ZBED6: variants seen among roughly 807,000 people sequenced by gnomAD.
The protein encoded by ZBED6 is zinc finger BED domain-containing protein 6.
In ZBED6, 40 loss-of-function variants were observed where a neutral mutation model predicts 58.4. That is an observed-to-expected ratio of 0.68 (90% CI 0.53 to 0.89). The LOEUF (loss-of-function observed/expected upper bound fraction) is 0.89, where lower values mean the gene tolerates loss of function less well. Among genes scored for constraint, ZBED6 ranks in the 40% least tolerant of loss-of-function variants. The pLI is 0.00. For missense variants in ZBED6, 1,057 were observed against 1,003.9 expected (o/e 1.05, Z -0.71); for synonymous variants, 439 against 350.6 (o/e 1.25, Z -2.82).
At chr1:203,850,823 T>C in intron 15 of ZBED6, 142 bp downstream of exon 15, 1 of 1,266,266 alleles carries the variant, frequency 7.9e-7, no homozygotes, top group South Asian at 1.5e-5. Context: ...ACTACTGTAT[T>C]TTATACTTAC....
At chr1:203,848,347 G>A (rs1182353696) in exon 13 of ZBED6, 2 of 1,612,570 alleles carry the variant, frequency 1.2e-6, no homozygotes, top group Non-Finnish European at 1.7e-6. Flanking sequence ...AAGAAGAGAA[G>A]AACCTTCAGG....
chr1:203,805,504 T>G, intron 1 of ZBED6: 1 of 457,346 alleles, frequency 2.2e-6, no homozygotes, highest in Non-Finnish European at 4.3e-6. Flanking sequence ...AAGAGCAATG[T>G]AATTAAACTT....
Position 203,806,948 on chromosome 1 carries a change from G to GT in ZBED6, c.*2554+3938dup, listed in dbSNP as rs1672603829. On this transcript the variant is annotated intron_variant, in intron 1 of 16. Transcript: ENST00000550078. ...CAAAAATTACTACAGGATTTTTTTT[G>GT]TTTTTTACCCCTTTTACTCTAGTAA... is the stretch of plus-strand genomic sequence containing the variant. 2.5e-5 allele frequency among the ~76,000 whole-genome samples: 3 copies of GT among 121,502 alleles called. 1 individual carries two copies. In the South Asian group the frequency reaches 7.8e-4, roughly 32 times the overall value. The allele number at this position is 121,502 out of a possible 152,430, so 79.7% of individuals were successfully genotyped here. A position where few individuals can be genotyped will look rare whatever the true frequency, so the allele number is the denominator to read the frequency against.
At chr1:203,828,253 C>G in intron 3 of ZBED6, 46 bp from the exon 4 acceptor site, 1 of 1,610,350 alleles carries the variant, frequency 6.2e-7, no homozygotes, top group Non-Finnish European at 8.5e-7. Context: ...CATGAATATA[C>G]GTATCACTGT....
chr1:203,812,436 C>G (rs894589133), intron 1 of ZBED6, among the ~76,000 whole-genome samples: 4 of 152,078 alleles, frequency 2.6e-5, no homozygotes, highest in African/African-American at 9.7e-5. Flanking sequence ...CCATTCATGT[C>G]CCTGCAAAGG....
In ZBED6 at chr1:203,844,265, G is replaced by A. The variant is rs573868785; in HGVS notation, c.*3742-2919G>A. ...CAACCTCTGCCTCCCAGGTTAAAGC[G>A]ATTCTCCTGTCTCAGCCTCCCGAGT... On this transcript the variant is annotated intron_variant, in intron 11 of 16. Coordinates refer to ENST00000550078, the Ensembl canonical transcript of ZBED6. Among the ~76,000 whole-genome samples the A allele has an allele frequency of 4.6e-5, 7 of 152,256 alleles. No homozygotes were observed. In the East Asian group the frequency reaches 7.7e-4, roughly 17 times the overall value.
chr1:203,833,351 T>G (rs1249650613), intron 8 of ZBED6, among the ~76,000 whole-genome samples: 6 of 112,222 alleles, frequency 5.3e-5, no homozygotes, highest in East Asian at 2.4e-4. Flanking sequence ...GGCGACAGAG[T>G]GAGACTCTGT....
chr1:203,849,935 A>G (rs1688859442), exon 14 of ZBED6: 2 of 1,614,172 alleles, frequency 1.2e-6, no homozygotes, highest in Non-Finnish European at 1.7e-6. Flanking sequence ...CCACAAAGTC[A>G]TCCCAGAAGG....
At chr1:203,846,168 G>GT (rs1687864012) in intron 11 of ZBED6, among the ~76,000 whole-genome samples, 1 of 147,064 alleles carries the variant, frequency 6.8e-6, no homozygotes, top group Non-Finnish European at 1.5e-5. Flanking sequence ...TTTGGGGGGG[G>GT]GGTTCATTAA....
At chr1:203,830,237 TG>T (rs778606055) in intron 7 of ZBED6, 34 bp downstream of exon 7, 1 of 1,520,214 alleles carries the variant, frequency 6.6e-7, no homozygotes, top group Admixed American at 2.1e-5. Context: ...GATAGTTGTA[TG>T]TTGCTAGGGA....
chr1:203,829,923 TTA>T, intron 6 of ZBED6, 27 bp downstream of exon 6: 1 of 1,589,806 alleles, frequency 6.3e-7, no homozygotes, highest in Non-Finnish European at 8.6e-7. Context: ...TTGGTGCCTC[TTA>T]TAGCACTGTT....
intron 1 of ZBED6, among the ~76,000 whole-genome samples, chr1:203,812,578 ATTTT>A (rs386369376): frequency 9.1e-6 from 1 of 109,314 alleles, no homozygotes; most frequent in South Asian, 2.8e-4. Context: ...GCCATTCTAA[ATTTT>A]TTTTTTTTTT....
intron 11 of ZBED6, among the ~76,000 whole-genome samples, chr1:203,843,728 T>C (rs939693144): frequency 6.6e-6 from 1 of 152,238 alleles, no homozygotes; most frequent in Middle Eastern, 3.2e-3. Flanking sequence ...CCTTTTTAAA[T>C]GGCTGATTTG....
chr1:203,800,702 T>C, exon 1 of ZBED6: 1 of 332,202 alleles, frequency 3.0e-6, no homozygotes, highest in Non-Finnish European at 5.4e-6. Flanking sequence ...AGAGAAGATA[T>C]TTTTAATTAA....
exon 1 of ZBED6, chr1:203,798,565 A>G: frequency 6.5e-7 from 1 of 1,536,166 alleles, no homozygotes; most frequent in Middle Eastern, 1.7e-4. Flanking sequence ...GATACCTTGC[A>G]TGGAGAAAAG....
At chr1:203,828,901 C>T (rs1289929887) in intron 4 of ZBED6, among the ~76,000 whole-genome samples, 2 of 152,142 alleles carry the variant, frequency 1.3e-5, no homozygotes, top group Admixed American at 6.5e-5. Context: ...ATTTGCCAAC[C>T]CTACTCTAGA....
intron 14 of ZBED6, 25 bp downstream of exon 14, chr1:203,850,051 G>T: frequency 6.3e-7 from 1 of 1,596,724 alleles, no homozygotes; most frequent in Non-Finnish European, 8.5e-7. Flanking sequence ...ACTGTGTATT[G>T]CTTTAGGTTA....
At chr1:203,810,121 A>G (rs986923314) in intron 1 of ZBED6, among the ~76,000 whole-genome samples, 5 of 151,146 alleles carry the variant, frequency 3.3e-5, no homozygotes, top group African/African-American at 1.2e-4. Context: ...TAAAAGCTGG[A>G]GTGGTGTTTT....
At chr1:203,827,606 C>A (rs377172105) in intron 3 of ZBED6, among the ~76,000 whole-genome samples, 1 of 151,320 alleles carries the variant, frequency 6.6e-6, no homozygotes, top group African/African-American at 2.4e-5. Context: ...GGCGTGAACC[C>A]GGGAGGCGGA....
Sources: allele counts gnomAD v4.1 joint callset (sites outside exome capture counted in the v4.1 genomes callset), GRCh38; gene constraint gnomAD v4.1.1; transcripts MANE v1.5; gene names NCBI Gene and HGNC (gene_info 2026-07-23, HGNC 2026-07-21).